CFAP45: variants seen among roughly 807,000 people sequenced by gnomAD.
The protein encoded by CFAP45 is cilia- and flagella-associated protein 45.
CFAP45 carries 43 observed loss-of-function variants against 75.6 expected under a neutral mutation model. The ratio of observed to expected loss-of-function variants is 0.57; its 90% confidence interval spans 0.45 to 0.73. The LOEUF is 0.73. Ranked by LOEUF, CFAP45 falls within the 30% of genes least tolerant of loss-of-function variation. CFAP45 has a pLI of 0.00. For missense variants in CFAP45, 689 were observed against 701.5 expected (o/e 0.98, Z 0.20); for synonymous variants, 223 against 244.6 (o/e 0.91, Z 0.82).
At chr1:159,889,979 T>G (rs1571187426) in intron 3 of CFAP45, among the ~76,000 whole-genome samples, 1 of 152,144 alleles carries the variant, frequency 6.6e-6, no homozygotes, top group Non-Finnish European at 1.5e-5. Context: ...AGTCAGGAAG[T>G]GGGGTTGAGC....
rs1650042401 is a variant in CFAP45, at chr1:159,900,144, GCGC to G, written c.-49_-47del. ...ACTCCGGACTTCTGCTGCCGCCTCG[GCGC>G]CGCCAAGGCCCTAGTGTTGACGCGT... On this transcript the variant is annotated 5_prime_UTR_variant, in exon 1 of 12. Coordinates refer to ENST00000368099, the MANE Select transcript of CFAP45 (RefSeq NM_012337.3). The G allele has an allele frequency of 6.2e-7, 1 of 1,613,736 alleles. No individual in the cohort carries two copies. The highest frequency in any genetic ancestry group is 8.5e-7 in the Non-Finnish European group (1 of 1,179,842).
chr1:159,877,291 A>G, intron 9 of CFAP45, 58 bp downstream of exon 9: 1 of 1,194,254 alleles, frequency 8.4e-7, no homozygotes, highest in Non-Finnish European at 1.3e-6. Flanking sequence ...AGGCTGTCAA[A>G]GGGATGGATA....
chr1:159,887,658 C>T (rs566606643), intron 5 of CFAP45, among the ~76,000 whole-genome samples, 183 bp downstream of exon 5: 9 of 152,338 alleles, frequency 5.9e-5, no homozygotes, highest in Admixed American at 2.0e-4. Flanking sequence ...GGTCACACAG[C>T]GAACAGGTGG....
At chr1:159,890,414 C>T in intron 3 of CFAP45, 66 bp downstream of exon 3, 4 of 1,532,156 alleles carry the variant, frequency 2.6e-6, no homozygotes, top group East Asian at 4.5e-5. Flanking sequence ...TTACCCATCT[C>T]CCTACAAAGA....
In CFAP45 at chr1:159,889,940, AG is replaced by A. The variant is rs563857658; in HGVS notation, c.272+539del. The stretch of plus-strand genomic sequence containing the variant: ...TGGTTGAGCTAGGCCTAAGTCCCAC[AG>A]GATGGGCTCAAGCCTGGGGGCAGCT... On this transcript the variant is annotated intron_variant, in intron 3 of 11. Transcript: ENST00000368099. Among the ~76,000 whole-genome samples, 791 of 152,352 alleles carry A rather than the reference AG, an allele frequency of 5.2e-3. 5 individuals are homozygous for A. Among genetic ancestry groups the A allele is most frequent in the African/African-American group, 0.017 (725 of 41,584 alleles).
rs754138396 is a variant in CFAP45 at position 159,872,448 on chromosome 1, T to C, written c.*37A>G. 2 of 1,517,594 alleles carry C rather than the reference T, an allele frequency of 1.3e-6. No homozygotes were observed. The highest frequency in any genetic ancestry group is 2.3e-5 in the East Asian group (1 of 44,428). The allele number at this position is 1,517,594 out of a possible 1,614,324, so 94.0% of individuals were successfully genotyped here. On this transcript the variant is annotated 3_prime_UTR_variant, in exon 12 of 12. Coordinates refer to ENST00000368099, the MANE Select transcript of CFAP45 (RefSeq NM_012337.3). Reference sequence around the variant, plus strand: ...ATGCCCAGAGACTGGGCAGAATCTGTCCCCCGAAGGCATCCTGAGGGCCAC... The same window carrying C: ...ATGCCCAGAGACTGGGCAGAATCTGCCCCCCGAAGGCATCCTGAGGGCCAC...
At chr1:159,896,977 C>A (rs1405138832) in intron 1 of CFAP45, among the ~76,000 whole-genome samples, 3 of 152,178 alleles carry the variant, frequency 2.0e-5, no homozygotes, top group Non-Finnish European at 4.4e-5. Context: ...GTAAGAAACG[C>A]ATAAGGCTGG....
In CFAP45 at chr1:159,877,427, T is replaced by G; in HGVS notation, c.1080A>C (p.Arg360Ser). 1 of 1,614,116 alleles carries G rather than the reference T, an allele frequency of 6.2e-7. No individual in the cohort carries two copies. Among genetic ancestry groups the G allele is most frequent in the South Asian group, 1.1e-5 (1 of 91,078 alleles). The change falls in exon 9 of 12, where the codon AGA becomes AGC. Residue 360 changes from arginine (R) to serine (S), a missense_variant. Arg to Ser is a moderately radical substitution (Grantham distance 110). Coordinates refer to ENST00000368099, the MANE Select transcript of CFAP45 (RefSeq NM_012337.3). ...REAEFEAEQE[R>S]IRREKEKEIA... ...TCTCCTTCTCTTTCTCCCTCCGGAT[T>G]CTCTCCTGCTCAGCCTCAAACTCTG...
At chr1:159,898,195 C>T in intron 1 of CFAP45, 3 of 985,236 alleles carry the variant, frequency 3.0e-6, no homozygotes, top group Non-Finnish European at 3.6e-6. Flanking sequence ...TTCCCATGCA[C>T]GAGACCCCTT....
Position 159,890,502 on chromosome 1 carries a change from G to C in CFAP45, c.250C>G (p.Arg84Gly). 1 of 1,614,120 alleles carries C rather than the reference G, an allele frequency of 6.2e-7. No homozygotes were observed. Among genetic ancestry groups the C allele is most frequent in the Non-Finnish European group, 8.5e-7 (1 of 1,179,976 alleles). Residue 84 changes from arginine (R) to glycine (G), a missense_variant, in exon 3 of 12, where the codon CGG becomes GGG. Coordinates refer to ENST00000368099, the MANE Select transcript of CFAP45 (RefSeq NM_012337.3). ...RKPETIQLIT[R>G]DMVRELIVPT... The stretch of plus-strand genomic sequence containing the variant: ...CACATGAGTTCTCGGACCATGTCCC[G>C]GGTGATGAGCTGGATGGTCTCTGGC...
At chr1:159,879,518 T>C (rs1328881285) in intron 8 of CFAP45, among the ~76,000 whole-genome samples, 2 of 152,234 alleles carry the variant, frequency 1.3e-5, no homozygotes, top group Non-Finnish European at 2.9e-5. Context: ...ACGGAGCCTA[T>C]GCACAGACTA....
Position 159,872,966 on chromosome 1 carries a change from T to A in CFAP45, c.1555A>T (p.Arg519Trp). 6.2e-7 allele frequency: 1 copy of A among 1,614,246 alleles called. No individual in the cohort carries two copies. The highest frequency in any genetic ancestry group is 8.5e-7 in the Non-Finnish European group (1 of 1,180,040). ...CACCTCAGCTCTTCAAGCTTTTTCC[T>A]CTTGATCTCATCGATGCGCTCACGG... ...KRRERIDEIKRKKLEELRATG... is the reference protein window; with the variant it reads ...KRRERIDEIKWKKLEELRATG... The change falls in exon 11 of 12, where the codon AGG (arginine) becomes TGG (tryptophan). Residue 519 changes from arginine to tryptophan, a missense_variant. Arg to Trp is a moderately radical substitution (Grantham distance 101, BLOSUM62 -3). Transcript: ENST00000368099.
intron 1 of CFAP45, among the ~76,000 whole-genome samples, chr1:159,897,814 A>T (rs1005589291): frequency 3.9e-5 from 6 of 152,214 alleles, no homozygotes; most frequent in African/African-American, 1.4e-4. Context: ...AAAGCATAGC[A>T]ATGGGCCTGG....
At position 159,876,650 on chromosome 1, in the gene CFAP45, G is replaced by T; in HGVS notation, c.1258C>A (p.Leu420Met). 1 of 1,614,194 alleles carries T rather than the reference G, an allele frequency of 6.2e-7. No individual in the cohort carries two copies. Among genetic ancestry groups the T allele is most frequent in the Non-Finnish European group, 8.5e-7 (1 of 1,180,036 alleles). ...ARKKMETEAE[L>M]RKSRLEQVAF... Reference sequence around the variant, plus strand: ...ACCTGTTCGAGCCGACTTTTTCGCAGCTCAGCCTCTGTTTCCATCTTCTTC... The same window carrying T: ...ACCTGTTCGAGCCGACTTTTTCGCATCTCAGCCTCTGTTTCCATCTTCTTC... Residue 420 changes from leucine (L) to methionine (M), a missense_variant, in exon 10 of 12, where the codon CTG becomes ATG. By Grantham distance (15) the Leu-to-Met change is conservative (BLOSUM62 2). Transcript: ENST00000368099.
intron 1 of CFAP45, among the ~76,000 whole-genome samples, chr1:159,897,267 AAAT>A (rs1357523992): frequency 1.3e-5 from 2 of 151,572 alleles, no homozygotes; most frequent in Non-Finnish European, 2.9e-5. Context: ...CTGTCTCAAA[AAAT>A]AATAATAATA....
chr1:159,890,659 C>A (rs1354578134), intron 2 of CFAP45, 37 bp from the exon 3 acceptor site: 1 of 1,605,740 alleles, frequency 6.2e-7, no homozygotes. Flanking sequence ...AAGCTTGTCA[C>A]CCCCACTTCC....
Position 159,872,497 on chromosome 1 carries a change from G to A in CFAP45, c.1644C>T (p.Thr548=), listed in dbSNP as rs1649302848. The change falls in exon 12 of 12, where the codon ACC becomes ACT. Residue 548 remains threonine (T), a synonymous_variant. Coordinates refer to ENST00000368099, the MANE Select transcript of CFAP45 (RefSeq NM_012337.3). ...AERKANILPA[T]SVN ...ACGAAGGCTCCCCTCAGTTCACAGA[G>A]GTAGCTGGCAGGATGTTAGCTTTGC... 3.7e-6 allele frequency: 6 copies of A among 1,614,104 alleles called. No individual in the cohort carries two copies. The East Asian group carries it at 1.1e-4, about 30-fold the overall frequency.
At chr1:159,897,534 G>C (rs112613945) in intron 1 of CFAP45, among the ~76,000 whole-genome samples, 1,563 of 152,140 alleles carry the variant, frequency 0.01, 29 homozygotes, top group African/African-American at 0.035. Flanking sequence ...AGTGAGCTGA[G>C]ATCACGCCAC....
Position 159,876,735 on chromosome 1 carries a change from G to A in CFAP45, c.1173C>T (p.Ala391=). ...TGTCTGCAACCTCCTGGTTGCGCTT[G>A]GCCCGCAAGGCATCCTGGGAATGTT... is the stretch of plus-strand genomic sequence containing the variant. The part of the protein sequence containing the change: ...DYQAEQDALR[A]KRNQEVADRE... The change falls in exon 10 of 12, where the codon GCC becomes GCT. Residue 391 remains alanine, a synonymous_variant. Transcript: ENST00000368099. 3.1e-6 allele frequency: 5 copies of A among 1,614,174 alleles called. No individual in the cohort carries two copies. The highest frequency in any genetic ancestry group is 1.1e-5 in the South Asian group (1 of 91,088).
Sources: allele counts gnomAD v4.1 joint callset (sites outside exome capture counted in the v4.1 genomes callset), GRCh38; gene constraint gnomAD v4.1.1; transcripts MANE v1.5; gene names NCBI Gene and HGNC (gene_info 2026-07-23, HGNC 2026-07-21).